Variants in DLGAP2 observed in about 807,000 individuals in gnomAD.
DLGAP2 encodes the protein disks large-associated protein 2.
A neutral mutation model predicts 100.3 loss-of-function variants in DLGAP2; 26 were observed. That is an observed-to-expected ratio of 0.26 (90% CI 0.19 to 0.36). DLGAP2 has a LOEUF of 0.36. Ranked by LOEUF, DLGAP2 falls within the 10% of genes least tolerant of loss-of-function variation. DLGAP2 has a pLI of 1.00. For missense variants in DLGAP2, 1,858 were observed against 1,453.2 expected (o/e 1.28, Z -4.53); for synonymous variants, 886 against 630.1 (o/e 1.41, Z -6.08).
At chr8:813,142 A>G (rs1563044927) in intron 1 of DLGAP2, among the ~76,000 whole-genome samples, 1 of 152,210 alleles carries the variant, frequency 6.6e-6, no homozygotes, top group Non-Finnish European at 1.5e-5. Flanking sequence ...CAACCAACAA[A>G]ATGCAACATA....
intron 2 of DLGAP2, among the ~76,000 whole-genome samples, chr8:1,196,644 A>C (rs1797757963): frequency 6.6e-6 from 1 of 152,162 alleles, no homozygotes; most frequent in African/African-American, 2.4e-5. Flanking sequence ...TCTGAGATGA[A>C]AAGAGTAATT....
At chr8:1,317,342 C>G (rs1367160937) in intron 3 of DLGAP2, among the ~76,000 whole-genome samples, 11 of 129,858 alleles carry the variant, frequency 8.5e-5, no homozygotes, top group Non-Finnish European at 1.5e-4. Flanking sequence ...GTCTCTCCAA[C>G]AGTGGTCTAC....
intron 3 of DLGAP2, among the ~76,000 whole-genome samples, chr8:1,482,191 G>A: frequency 6.6e-6 from 1 of 152,322 alleles, no homozygotes; most frequent in Admixed American, 6.5e-5. Flanking sequence ...GAGAACGTGT[G>A]GGTTTTAAGG....
chr8:887,189 A>G (rs949266073), intron 1 of DLGAP2, among the ~76,000 whole-genome samples: 5 of 146,790 alleles, frequency 3.4e-5, no homozygotes, highest in African/African-American at 1.0e-4. Flanking sequence ...TAGGATTGCA[A>G]CCCCTGCTTT....
intron 2 of DLGAP2, among the ~76,000 whole-genome samples, chr8:1,171,630 T>A (rs1797130487): frequency 6.6e-6 from 1 of 152,226 alleles, no homozygotes; most frequent in Non-Finnish European, 1.5e-5. Flanking sequence ...CCCTTTACCA[T>A]TATGTAATGG....
chr8:1,316,974 A>G (rs12548689), intron 3 of DLGAP2, among the ~76,000 whole-genome samples: 14,252 of 41,340 alleles, frequency 0.34, 4,812 homozygotes, highest in African/African-American at 0.48. Flanking sequence ...GAGCGTGTGC[A>G]AGTGCAGCAT....
At position 1,332,296 on chromosome 8, in the gene DLGAP2, G is replaced by A. The variant is rs956855980; in HGVS notation, c.106+73413G>A. On this transcript the variant is annotated intron_variant, in intron 3 of 14. Transcript: ENST00000637795. ...TACATCTGTGTACACATATCTGCAC[G>A]TGTGTCAGTGTGTGTGTGTCTGTAT... Among the ~76,000 whole-genome samples the A allele has an allele frequency of 3.3e-5, 5 of 152,156 alleles. 1 individual carries two copies. Among genetic ancestry groups the A allele is most frequent in the Non-Finnish European group, 5.9e-5 (4 of 68,038 alleles).
chr8:1,334,718 G>C (rs191429518), intron 3 of DLGAP2, among the ~76,000 whole-genome samples: 28 of 152,200 alleles, frequency 1.8e-4, no homozygotes, highest in Middle Eastern at 3.4e-3. Context: ...GCCAGGCCGT[G>C]TGCCTTCTGT....
intron 3 of DLGAP2, among the ~76,000 whole-genome samples, chr8:1,436,938 T>C (rs1797650108): frequency 6.6e-6 from 1 of 152,260 alleles, no homozygotes; most frequent in Non-Finnish European, 1.5e-5. Context: ...CAGTCTTCAG[T>C]GCAGTCACAC....
At position 815,993 on chromosome 8, in the gene DLGAP2, T is replaced by G. The variant is rs145646900; in HGVS notation, c.18+78168T>G. Among the ~76,000 whole-genome samples, 922 of 152,334 alleles carry G rather than the reference T, an allele frequency of 6.1e-3. 10 individuals carry two copies. Among genetic ancestry groups the G allele is most frequent in the African/African-American group, 0.021 (869 of 41,582 alleles). On this transcript the variant is annotated intron_variant, in intron 1 of 14. Transcript: ENST00000637795. The stretch of plus-strand genomic sequence containing the variant: ...CTTTGTCTTTTTAAAATGCTGTTGC[T>G]GTAGAGTTTGTTTTATCTGATATAA...
At chr8:1,670,664 C>G (rs145960486) in intron 10 of DLGAP2, among the ~76,000 whole-genome samples, 167 of 152,220 alleles carry the variant, frequency 1.1e-3, no homozygotes, top group African/African-American at 4.0e-3. Flanking sequence ...AGGTGGATGA[C>G]GAAGTCACCT....
intron 2 of DLGAP2, among the ~76,000 whole-genome samples, chr8:1,066,497 G>GAGTGAGGACAGTTCCCCACCACGGTCAGA (rs1803257215): frequency 6.9e-6 from 1 of 144,932 alleles, no homozygotes. Flanking sequence ...CCACGGTCAG[G>GAGTGAGGACAGTTCCCCACCACGGTCAGA]TCTGAGTGAG....
At chr8:1,343,302 G>C (rs1801462053) in intron 3 of DLGAP2, among the ~76,000 whole-genome samples, 1 of 152,198 alleles carries the variant, frequency 6.6e-6, no homozygotes, top group African/African-American at 2.4e-5. Context: ...TCTCTCCCGT[G>C]GAGTCACACA....
At chr8:1,319,301 TC>T (rs1013541964) in intron 3 of DLGAP2, among the ~76,000 whole-genome samples, 2 of 152,130 alleles carry the variant, frequency 1.3e-5, no homozygotes, top group African/African-American at 4.8e-5. Context: ...GTAAAATGAA[TC>T]CCCTGAAACC....
intron 6 of DLGAP2, among the ~76,000 whole-genome samples, chr8:1,567,668 A>G (rs1802457965): frequency 6.6e-6 from 1 of 152,174 alleles, no homozygotes; most frequent in South Asian, 2.1e-4. Flanking sequence ...GGACTGGCCC[A>G]GAGTCCTGTA....
intron 5 of DLGAP2, among the ~76,000 whole-genome samples, chr8:1,562,488 G>A (rs534499726): frequency 8.8e-5 from 4 of 45,614 alleles, no homozygotes; most frequent in African/African-American, 1.9e-4. Context: ...TCGGCGCCTC[G>A]TTACTGGGGG....
intron 3 of DLGAP2, among the ~76,000 whole-genome samples, chr8:1,263,333 C>T (rs1000916652): frequency 2.6e-5 from 4 of 152,164 alleles, no homozygotes; most frequent in Non-Finnish European, 4.4e-5. Context: ...AATCTGTTTT[C>T]ATTTTTGTTG....
At chr8:1,002,998 C>A (rs1450027634) in intron 2 of DLGAP2, 1 of 152,272 alleles carries the variant, frequency 6.6e-6, no homozygotes, top group Non-Finnish European at 1.5e-5. Context: ...GAGCTCAAGT[C>A]CCTGTTCCCT....
chr8:1,684,286 C>CAAAA (rs1358524119), intron 12 of DLGAP2, among the ~76,000 whole-genome samples: 1 of 151,930 alleles, frequency 6.6e-6, no homozygotes, highest in Non-Finnish European at 1.5e-5. Flanking sequence ...GGACAGATGT[C>CAAAA]AAAACACTTG....
Sources: gnomAD v4.1 joint callset for allele counts (sites outside exome capture counted in the v4.1 genomes callset) on GRCh38, gnomAD v4.1.1 for gene constraint, MANE v1.5 for transcripts, NCBI Gene and HGNC (gene_info 2026-07-23, HGNC 2026-07-21) for gene names.